PDE1C: variants seen among roughly 807,000 people sequenced by gnomAD.
PDE1C encodes dual specificity calcium/calmodulin-dependent 3',5'-cyclic nucleotide phosphodiesterase 1C.
PDE1C carries 62 observed loss-of-function variants against 93.1 expected under a neutral mutation model. The observed-to-expected ratio is 0.67, with a 90% CI of 0.54 to 0.82. PDE1C has a LOEUF of 0.82. Among genes scored for constraint, PDE1C ranks in the 40% least tolerant of loss-of-function variants. PDE1C has a pLI of 0.00. For missense variants in PDE1C, 742 were observed against 884.6 expected (o/e 0.84, Z 2.04); for synonymous variants, 325 against 310.1 (o/e 1.05, Z -0.50).
intron 2 of PDE1C, among the ~76,000 whole-genome samples, chr7:31,911,272 T>TTTAATA (rs1227826115): frequency 2.0e-5 from 3 of 152,172 alleles, no homozygotes; most frequent in East Asian, 1.9e-4. Context: ...ACTAGGATGT[T>TTTAATA]TTAATATTAA....
intron 1 of PDE1C, among the ~76,000 whole-genome samples, chr7:32,254,186 A>G (rs1238410234): frequency 1.3e-5 from 2 of 152,198 alleles, no homozygotes; most frequent in African/African-American, 4.8e-5. Flanking sequence ...CAGGTGAAAG[A>G]GAACAAAAGA....
chr7:31,954,130 G>A (rs947156401), intron 2 of PDE1C, among the ~76,000 whole-genome samples: 12 of 152,340 alleles, frequency 7.9e-5, no homozygotes, highest in African/African-American at 2.9e-4. Flanking sequence ...CCATAGTGGG[G>A]ACTTGTTGCT....
intron 2 of PDE1C, among the ~76,000 whole-genome samples, chr7:31,956,601 A>G (rs1251942970): frequency 6.6e-6 from 1 of 151,952 alleles, no homozygotes; most frequent in East Asian, 1.9e-4. Flanking sequence ...GGTTACACAG[A>G]AGCAAATTTC....
intron 3 of PDE1C, among the ~76,000 whole-genome samples, chr7:32,121,011 A>G (rs1447089823): frequency 6.6e-6 from 1 of 152,206 alleles, no homozygotes; most frequent in African/African-American, 2.4e-5. Context: ...GCTAACTAGA[A>G]TAACCAGTTT....
At chr7:32,184,630 C>G (rs917536065) in intron 2 of PDE1C, among the ~76,000 whole-genome samples, 3 of 152,046 alleles carry the variant, frequency 2.0e-5, no homozygotes, top group Admixed American at 6.5e-5. Context: ...AGGGGAACAT[C>G]ACACACTGGG....
Position 32,123,507 on chromosome 7 carries a change from A to G in PDE1C, c.308+46278T>C, listed in dbSNP as rs183311820. Among the ~76,000 whole-genome samples, 121 of 152,334 alleles carry G rather than the reference A, an allele frequency of 7.9e-4. 2 individuals are homozygous for G. In the Middle Eastern group the frequency reaches 0.017, roughly 21 times the overall value. On this transcript the variant is annotated intron_variant, in intron 3 of 18. Transcript: ENST00000396193. Reference sequence around the variant, plus strand: ...TGGCACATCAAAAAACTTATCCTCCATGATCAAGTTGGCTTCATCCCTGGG... The same window carrying G: ...TGGCACATCAAAAAACTTATCCTCCGTGATCAAGTTGGCTTCATCCCTGGG...
chr7:31,730,269 G>A, the PDE1C span, among the ~76,000 whole-genome samples: 1 of 152,138 alleles, frequency 6.6e-6, no homozygotes, highest in Non-Finnish European at 1.5e-5. Flanking sequence ...ATACCCAGAT[G>A]TCAGCCTTTC....
intron 6 of PDE1C, among the ~76,000 whole-genome samples, chr7:31,869,852 A>G (rs1032090450): frequency 1.3e-5 from 2 of 152,086 alleles, no homozygotes; most frequent in Admixed American, 6.5e-5. Flanking sequence ...TCCAGCCTAG[A>G]CCATATGTTA....
intron 1 of PDE1C, among the ~76,000 whole-genome samples, chr7:32,288,153 T>TA (rs931188560): frequency 6.6e-6 from 1 of 152,010 alleles, no homozygotes; most frequent in South Asian, 2.1e-4. Flanking sequence ...GACTCCGTCT[T>TA]AAAAAAACAA....
intron 2 of PDE1C, among the ~76,000 whole-genome samples, chr7:31,908,437 G>A (rs1369962418): frequency 6.6e-6 from 1 of 152,162 alleles, no homozygotes; most frequent in East Asian, 1.9e-4. Context: ...TCTGGTTCCA[G>A]CGTATGCTCC....
the PDE1C span, among the ~76,000 whole-genome samples, chr7:31,683,212 A>G: frequency 6.6e-6 from 1 of 152,222 alleles, no homozygotes; most frequent in Non-Finnish European, 1.5e-5. Context: ...CTGTAGTTTT[A>G]CAAAATGTCA....
chr7:31,759,959 A>G (rs1794728282), intron 17 of PDE1C, among the ~76,000 whole-genome samples: 2 of 151,990 alleles, frequency 1.3e-5, no homozygotes, highest in African/African-American at 4.8e-5. Flanking sequence ...GGTATGGGGA[A>G]CAGTTGTACA....
At chr7:32,096,102 G>A (rs1442462003) in intron 3 of PDE1C, among the ~76,000 whole-genome samples, 1 of 152,124 alleles carries the variant, frequency 6.6e-6, no homozygotes, top group African/African-American at 2.4e-5. Flanking sequence ...AGCATATTAT[G>A]AACCTCCAAA....
chr7:31,858,709 A>C (rs990527150), intron 7 of PDE1C, among the ~76,000 whole-genome samples: 1 of 152,146 alleles, frequency 6.6e-6, no homozygotes, highest in Admixed American at 6.5e-5. Context: ...GCTAGTCATG[A>C]TTACTTATGT....
rs550165737 is a variant in PDE1C, at chr7:31,758,323, A to C, written c.1961-4770T>G. Among the ~76,000 whole-genome samples the C allele has an allele frequency of 1.6e-3, 239 of 148,134 alleles. 1 individual carries two copies. The highest frequency in any genetic ancestry group is 5.3e-3 in the African/African-American group (214 of 40,046). On this transcript the variant is annotated intron_variant, in intron 17 of 17. Coordinates refer to ENST00000396191, the MANE Select transcript of PDE1C (RefSeq NM_001191057.4). ...AAAAAATGGTAAAAAAAATTAAAAA[A>C]AAATTATGCTACTTCTCTTTTTAAA...
chr7:32,083,922 A>G (rs895128370), intron 3 of PDE1C, among the ~76,000 whole-genome samples: 2 of 151,750 alleles, frequency 1.3e-5, no homozygotes, highest in Non-Finnish European at 2.9e-5. Flanking sequence ...GACCATCGAG[A>G]CTAGGAAGAA....
At position 31,752,548 on chromosome 7, in the gene PDE1C, C is replaced by T. The variant is rs974768279; in HGVS notation, c.*836G>A. The T allele has an allele frequency of 6.6e-6, 1 of 152,052 alleles. No individual in the cohort carries two copies. The highest frequency in any genetic ancestry group is 1.5e-5 in the Non-Finnish European group (1 of 67,994). The allele number at this position is 152,052 out of a possible 1,614,324, so 9.4% of individuals were successfully genotyped here. ...AATTTTACACCCTCTTGGCCTAGGA[C>T]CACAAAATCAAACTGACATCTTTTG... On this transcript the variant is annotated 3_prime_UTR_variant, in exon 18 of 18. Coordinates refer to ENST00000396191, the MANE Select transcript of PDE1C (RefSeq NM_001191057.4).
At chr7:32,329,362 G>A (rs910279867) in intron 1 of PDE1C, among the ~76,000 whole-genome samples, 1 of 152,164 alleles carries the variant, frequency 6.6e-6, no homozygotes, top group African/African-American at 2.4e-5. Context: ...CGTAGCCATT[G>A]TTTACTGGGC....
At chr7:32,019,900 G>A (rs1181062286) in intron 2 of PDE1C, among the ~76,000 whole-genome samples, 5 of 152,116 alleles carry the variant, frequency 3.3e-5, no homozygotes, top group Admixed American at 6.6e-5. Context: ...AAGTGTCTAT[G>A]AAACTTCTAA....
Sources: allele counts gnomAD v4.1 joint callset (sites outside exome capture counted in the v4.1 genomes callset), GRCh38; gene constraint gnomAD v4.1.1; transcripts MANE v1.5; gene names NCBI Gene and HGNC (gene_info 2026-07-23, HGNC 2026-07-21).